NAALADL2: variants seen among roughly 807,000 people sequenced by gnomAD.
The protein encoded by NAALADL2 is inactive N-acetylated-alpha-linked acidic dipeptidase-like protein 2.
Under a neutral mutation model 87.2 loss-of-function variants are expected in NAALADL2, and 76 were observed. That is an observed-to-expected ratio of 0.87 (90% confidence interval 0.72 to 1.05). The LOEUF is 1.05. Among genes scored for constraint, NAALADL2 ranks in the 50% least tolerant of loss-of-function variants. The pLI is 0.00. For missense variants in NAALADL2, 1,089 were observed against 945.8 expected (o/e 1.15, Z -1.99); for synonymous variants, 354 against 331.0 (o/e 1.07, Z -0.75).
chr3:175,231,688 T>C (rs546594036), intron 2 of NAALADL2, among the ~76,000 whole-genome samples: 14 of 152,256 alleles, frequency 9.2e-5, no homozygotes, highest in African/African-American at 2.9e-4. Context: ...CAATTAACAG[T>C]GTAGAGGAGC....
chr3:175,352,842 G>T (rs1471086300), intron 5 of NAALADL2, among the ~76,000 whole-genome samples: 1 of 152,086 alleles, frequency 6.6e-6, no homozygotes, highest in Non-Finnish European at 1.5e-5. Flanking sequence ...GGGTGTGTGG[G>T]TGGTAGAAAA....
chr3:174,577,162 A>G lies in NAALADL2; in HGVS notation c.-115+26525A>G, dbSNP rs183000519. Among the ~76,000 whole-genome samples, 239 of 152,270 alleles carry G rather than the reference A, an allele frequency of 1.6e-3. 2 individuals carry two copies. Among genetic ancestry groups the G allele is most frequent in the African/African-American group, 5.6e-3 (233 of 41,564 alleles). ...TTCAAGAGTTTAGATGCCTACATAT[A>G]TAACACATTTGATGCAAACAATCTG... On this transcript the variant is annotated intron_variant, in intron 2 of 3. Transcript: ENST00000434257.
intron 2 of NAALADL2, among the ~76,000 whole-genome samples, chr3:174,716,950 C>G (rs765913954): frequency 3.9e-5 from 6 of 152,046 alleles, no homozygotes; most frequent in Non-Finnish European, 7.4e-5. Flanking sequence ...TTAATATTCT[C>G]TAAGACACAA....
intron 3 of NAALADL2, among the ~76,000 whole-genome samples, chr3:174,775,311 C>G (rs879587870): frequency 1.3e-5 from 2 of 151,960 alleles, no homozygotes. Context: ...CCTCATAACT[C>G]TAGCCTCTGC....
At chr3:175,432,736 T>G (rs564197521) in intron 5 of NAALADL2, among the ~76,000 whole-genome samples, 1 of 152,164 alleles carries the variant, frequency 6.6e-6, no homozygotes, top group South Asian at 2.1e-4. Context: ...CTATTAATTG[T>G]TTTTTAGGGC....
intron 9 of NAALADL2, among the ~76,000 whole-genome samples, chr3:175,484,828 C>A (rs2149328645): frequency 6.6e-6 from 1 of 152,172 alleles, no homozygotes; most frequent in African/African-American, 2.4e-5. Flanking sequence ...CACATGGAAA[C>A]AAGAAGTGAA....
At chr3:174,532,149 C>T (rs780818892) in intron 1 of NAALADL2, among the ~76,000 whole-genome samples, 2 of 152,098 alleles carry the variant, frequency 1.3e-5, no homozygotes. Context: ...TAAGTCTCTA[C>T]TTTGTGAAGG....
chr3:174,878,321 G>T (rs1449644431), intron 1 of NAALADL2, among the ~76,000 whole-genome samples: 1 of 151,960 alleles, frequency 6.6e-6, no homozygotes, highest in Non-Finnish European at 1.5e-5. Flanking sequence ...TTTTTTCTGA[G>T]CAATTTTTTT....
intron 1 of NAALADL2, among the ~76,000 whole-genome samples, chr3:175,063,459 T>C (rs1713941990): frequency 6.6e-6 from 1 of 151,740 alleles, no homozygotes; most frequent in South Asian, 2.1e-4. Context: ...GTAAAATATA[T>C]ATAAACAGCC....
intron 1 of NAALADL2, among the ~76,000 whole-genome samples, chr3:174,972,254 C>A (rs1332219359): frequency 2.6e-5 from 4 of 152,180 alleles, no homozygotes; most frequent in African/African-American, 9.7e-5. Flanking sequence ...TATTGTCTTT[C>A]AGTTTGTTAA....
chr3:174,555,529 A>C lies in NAALADL2; in HGVS notation c.-115+4892A>C, dbSNP rs186181373. On this transcript the variant is annotated intron_variant, in intron 2 of 3. Coordinates refer to the NAALADL2 transcript ENST00000434257. The stretch of plus-strand genomic sequence containing the variant: ...TGGCCAGGCTGATTTCCAACTCCTG[A>C]CCTCTGGTGGTCCGCCGGCCTTGGC... 2.9e-3 allele frequency among the ~76,000 whole-genome samples: 444 copies of C among 151,388 alleles called. 2 individuals carry two copies. The highest frequency in any genetic ancestry group is 9.9e-3 in the African/African-American group (409 of 41,270).
At chr3:174,828,622 A>G (rs942228110) in intron 3 of NAALADL2, among the ~76,000 whole-genome samples, 1 of 152,188 alleles carries the variant, frequency 6.6e-6, no homozygotes, top group Admixed American at 6.5e-5. Flanking sequence ...TTCATTTCTT[A>G]TCTCTGTATA....
intron 3 of NAALADL2, among the ~76,000 whole-genome samples, chr3:174,846,129 G>A (rs1415142347): frequency 6.6e-6 from 1 of 152,064 alleles, no homozygotes; most frequent in Non-Finnish European, 1.5e-5. Context: ...GCAGTGATGG[G>A]GACCACCAAG....
rs111608527 is a variant in NAALADL2, at chr3:174,996,339, T to TA, written c.44-100443dup. On this transcript the variant is annotated intron_variant, in intron 1 of 13. Coordinates refer to ENST00000454872, the MANE Select transcript of NAALADL2 (RefSeq NM_207015.3). ...GGTGAAACCCCGTCTCTGCTAAAAA[T>TA]AAAAAAAATTAGCTGGGCGTGGTGG... is the stretch of plus-strand genomic sequence containing the variant. Among the ~76,000 whole-genome samples, 31 of 151,362 alleles carry TA rather than the reference T, an allele frequency of 2.0e-4. No individual in the cohort carries two copies. The South Asian group carries it at 3.3e-3, about 16-fold the overall frequency.
intron 5 of NAALADL2, among the ~76,000 whole-genome samples, chr3:175,351,418 G>A (rs902569777): frequency 6.6e-6 from 1 of 151,862 alleles, no homozygotes; most frequent in East Asian, 1.9e-4. Context: ...AACATTATAT[G>A]TATGTATATG....
chr3:175,548,452 AC>A (rs1713761773), intron 9 of NAALADL2, among the ~76,000 whole-genome samples: 1 of 152,020 alleles, frequency 6.6e-6, no homozygotes, highest in African/African-American at 2.4e-5. Flanking sequence ...ACTAATGGGT[AC>A]CAGGCTTAAT....
intron 2 of NAALADL2, among the ~76,000 whole-genome samples, chr3:174,710,037 A>G (rs1335669946): frequency 1.3e-5 from 2 of 152,164 alleles, no homozygotes; most frequent in African/African-American, 2.4e-5. Context: ...ATTGGCTTAT[A>G]TGGTAGGCAG....
chr3:174,889,161 A>G (rs1033061710), intron 1 of NAALADL2, among the ~76,000 whole-genome samples: 18 of 152,278 alleles, frequency 1.2e-4, no homozygotes, highest in African/African-American at 4.1e-4. Context: ...GTCTTCTAAC[A>G]TATACAAAAC....
intron 3 of NAALADL2, among the ~76,000 whole-genome samples, chr3:174,742,893 T>G (rs1275438166): frequency 3.3e-5 from 5 of 151,462 alleles, no homozygotes; most frequent in Non-Finnish European, 5.9e-5. Context: ...CAATGATGTG[T>G]TTTTTTTGTG....
Sources: gnomAD v4.1 joint callset for allele counts (sites outside exome capture counted in the v4.1 genomes callset) on GRCh38, gnomAD v4.1.1 for gene constraint, MANE v1.5 for transcripts, NCBI Gene and HGNC (gene_info 2026-07-23, HGNC 2026-07-21) for gene names.